CILK1: variants seen among roughly 807,000 people sequenced by gnomAD.
The protein encoded by CILK1 is serine/threonine-protein kinase ICK.
Under a neutral mutation model 79.2 loss-of-function variants are expected in CILK1, and 47 were observed. The observed-to-expected ratio is 0.59, with a 90% CI of 0.47 to 0.76. The LOEUF is 0.76. Among genes scored for constraint, CILK1 ranks in the 30% least tolerant of loss-of-function variants. CILK1 has a pLI of 0.00. For missense variants in CILK1, 660 were observed against 769.5 expected (o/e 0.86, Z 1.68); for synonymous variants, 266 against 275.9 (o/e 0.96, Z 0.36).
At chr6:53,024,632 G>A (rs1765454369) in intron 5 of CILK1, among the ~76,000 whole-genome samples, 1 of 152,122 alleles carries the variant, frequency 6.6e-6, no homozygotes, top group Admixed American at 6.5e-5. Flanking sequence ...ACCATGGTTT[G>A]TCTTCCTAAA....
intron 5 of CILK1, among the ~76,000 whole-genome samples, chr6:53,028,933 T>C (rs1765750747): frequency 6.6e-6 from 1 of 152,048 alleles, no homozygotes; most frequent in Non-Finnish European, 1.5e-5. Flanking sequence ...GGGGTGCTTA[T>C]GTGTGGTCTA....
chr6:53,054,262 G>T (rs772009616), intron 1 of CILK1, among the ~76,000 whole-genome samples: 12 of 151,974 alleles, frequency 7.9e-5, no homozygotes, highest in Non-Finnish European at 1.8e-4. Context: ...ATAGTGCCTT[G>T]TCCTCACCTC....
At chr6:53,049,981 A>G (rs1216581219) in intron 1 of CILK1, among the ~76,000 whole-genome samples, 1 of 152,134 alleles carries the variant, frequency 6.6e-6, no homozygotes, top group Non-Finnish European at 1.5e-5. Flanking sequence ...TCAGCCTCCC[A>G]AAGTGTTGGG....
chr6:53,031,969 G>A (rs1765995458), intron 4 of CILK1, among the ~76,000 whole-genome samples: 1 of 152,172 alleles, frequency 6.6e-6, no homozygotes, highest in African/African-American at 2.4e-5. Flanking sequence ...TAGTAACTGG[G>A]ATTACAGGCA....
Position 53,002,273 on chromosome 6 carries a change from G to T in CILK1, c.*2876C>A, listed in dbSNP as rs947351236. On this transcript the variant is annotated 3_prime_UTR_variant, in exon 14 of 14. Coordinates refer to ENST00000676107, the MANE Select transcript of CILK1 (RefSeq NM_014920.5). The stretch of plus-strand genomic sequence containing the variant: ...TGGGGCACATCAATACCCCTACAAC[G>T]CACCTTCGTCACTGAATTTCTGTCT... 6.6e-6 allele frequency: 1 copy of T among 152,016 alleles called. No homozygotes were observed. The highest frequency in any genetic ancestry group is 2.4e-5 in the African/African-American group (1 of 41,376). The allele number at this position is 152,016 out of a possible 1,614,324, so 9.4% of individuals were successfully genotyped here. A position where few individuals can be genotyped will look rare whatever the true frequency, so the allele number is the denominator to read the frequency against.
intron 13 of CILK1, 41 bp downstream of exon 13, chr6:53,006,274 T>C (rs375389576): frequency 6.3e-7 from 1 of 1,599,228 alleles, no homozygotes; most frequent in African/African-American, 1.3e-5. Context: ...TGAGTAACCA[T>C]TTGTTGAGTA....
chr6:53,005,264 C>G lies in CILK1; in HGVS notation c.1784G>C (p.Arg595Pro). Residue 595 changes from arginine to proline, a missense_variant, in exon 14 of 14, where the codon CGA becomes CCA. Physicochemically the swap from Arg to Pro is moderately radical, Grantham distance 103 (BLOSUM62 -2). Coordinates refer to ENST00000676107, the MANE Select transcript of CILK1 (RefSeq NM_014920.5). ...TCTAGGCTGGGTGTGGAAGAATGGT[C>G]GCCCAGGATGAGGTCTCATGGCCTT... is the stretch of plus-strand genomic sequence containing the variant. ...SLKAMRPHPG[R>P]PFFHTQPRST... is the part of the protein sequence containing the mutation. 6.2e-7 allele frequency: 1 copy of G among 1,614,134 alleles called. No homozygotes were observed.
At position 53,011,781 on chromosome 6, in the gene CILK1, G is replaced by A. The variant is rs755230589; in HGVS notation, c.1480C>T (p.Arg494Ter). The change falls in exon 11 of 14, where the codon CGA (arginine) becomes TGA (stop). Residue 494 changes from arginine (R) to a stop codon, truncating the protein, a stop_gained. Coordinates refer to ENST00000676107, the MANE Select transcript of CILK1 (RefSeq NM_014920.5). LOFTEE classifies it high-confidence loss of function. The part of the protein sequence containing the change: ...AAKQHYLKHS[R>*]YLPGISIRNG... ...TCATTTATATTACCAGGCAAGTATC[G>A]AGAGTGCTTCAAATAGTGCTGCTTG... 10 of 1,613,976 alleles carry A rather than the reference G, an allele frequency of 6.2e-6. No homozygotes were observed. In the Admixed American group the frequency reaches 6.7e-5, roughly 11 times the overall value.
chr6:53,052,597 G>A (rs993697303), intron 1 of CILK1, among the ~76,000 whole-genome samples: 1 of 151,984 alleles, frequency 6.6e-6, no homozygotes, highest in African/African-American at 2.4e-5. Flanking sequence ...CAGGCGTGGT[G>A]GTGTATGCCT....
chr6:53,016,131 C>T lies in CILK1; in HGVS notation c.783G>A (p.Leu261=), dbSNP rs201451158. The T allele has an allele frequency of 6.2e-7, 1 of 1,614,014 alleles. No individual in the cohort carries two copies. Among genetic ancestry groups the T allele is most frequent in the Non-Finnish European group, 8.5e-7 (1 of 1,179,988 alleles). The change falls in exon 8 of 14, where the codon CTG becomes CTA. Residue 261 remains leucine, a synonymous_variant. Transcript: ENST00000676107. ...TGGGATCCCACTGAAGCATGTCTCTCAGGAGCTGGACTGCTTCACTGCTAG... is the reference window on the plus strand; with the variant it reads ...TGGGATCCCACTGAAGCATGTCTCTTAGGAGCTGGACTGCTTCACTGCTAG... ...PNASSEAVQL[L]RDMLQWDPKK...
chr6:53,047,818 A>G (rs1767201146), intron 1 of CILK1, among the ~76,000 whole-genome samples: 1 of 151,932 alleles, frequency 6.6e-6, no homozygotes, highest in Non-Finnish European at 1.5e-5. Context: ...CTTAGATACA[A>G]CAGGAGACTA....
At chr6:53,046,316 C>A (rs1326369830) in intron 1 of CILK1, among the ~76,000 whole-genome samples, 1 of 152,166 alleles carries the variant, frequency 6.6e-6, no homozygotes, top group East Asian at 1.9e-4. Context: ...TGGCATTATA[C>A]TACTGATTTA....
chr6:53,035,518 C>G (rs1766271541), intron 3 of CILK1, among the ~76,000 whole-genome samples: 2 of 152,088 alleles, frequency 1.3e-5, no homozygotes, highest in South Asian at 4.1e-4. Context: ...AAAAATAGCA[C>G]CAGGTGCCAT....
intron 11 of CILK1, among the ~76,000 whole-genome samples, chr6:53,010,286 A>G (rs1764495376): frequency 6.6e-6 from 1 of 152,190 alleles, no homozygotes; most frequent in Non-Finnish European, 1.5e-5. Flanking sequence ...AATATTTAGA[A>G]GCCACATTCC....
At position 53,027,402 on chromosome 6, in the gene CILK1, AC is replaced by A. The variant is rs1765644250; in HGVS notation, c.358+3662del. On this transcript the variant is annotated intron_variant, in intron 5 of 13. Coordinates refer to ENST00000676107, the MANE Select transcript of CILK1 (RefSeq NM_014920.5). ...TATGCTTTGGCATTGCTCAATCAGT[AC>A]CAAGTAGAGCTGTGTTTTCATTCCC... is the stretch of plus-strand genomic sequence containing the variant. 2.6e-5 allele frequency among the ~76,000 whole-genome samples: 4 copies of A among 152,224 alleles called. No individual in the cohort carries two copies. The South Asian group carries it at 8.3e-4, about 31-fold the overall frequency.
Position 53,012,220 on chromosome 6 carries a change from G to A in CILK1, c.1160C>T (p.Thr387Ile). The A allele has an allele frequency of 2.5e-6, 4 of 1,614,110 alleles. No homozygotes were observed. The highest frequency in any genetic ancestry group is 3.4e-6 in the Non-Finnish European group (4 of 1,179,992). Reference protein sequence around the residue: ...LHNKHPQSKITAGLEHKNGEI... With the variant: ...LHNKHPQSKIIAGLEHKNGEI... ...ACCATTTTTGTGCTCCAGGCCAGCTGTGATTTTCTGTGTAAACAAACGGGG... is the reference window on the plus strand; with the variant it reads ...ACCATTTTTGTGCTCCAGGCCAGCTATGATTTTCTGTGTAAACAAACGGGG... The change falls in exon 10 of 14, where the codon ACA (threonine) becomes ATA (isoleucine). Residue 387 changes from threonine to isoleucine, a missense_variant. Transcript: ENST00000676107.
At chr6:53,054,210 C>A (rs1352749820) in intron 1 of CILK1, among the ~76,000 whole-genome samples, 2 of 152,124 alleles carry the variant, frequency 1.3e-5, no homozygotes, top group Non-Finnish European at 1.5e-5. Context: ...CCTGCCCCAA[C>A]CTACACATAT....
intron 7 of CILK1, among the ~76,000 whole-genome samples, chr6:53,017,191 T>C (rs529659357): frequency 5.3e-5 from 8 of 152,334 alleles, no homozygotes; most frequent in Non-Finnish European, 8.8e-5. Flanking sequence ...GCATTAATAA[T>C]TCATTCAAAT....
intron 3 of CILK1, among the ~76,000 whole-genome samples, chr6:53,035,519 CA>C (rs988975934): frequency 1.3e-5 from 2 of 152,092 alleles, no homozygotes; most frequent in Non-Finnish European, 2.9e-5. Context: ...AAAATAGCAC[CA>C]GGTGCCATTC....
Sources: gnomAD v4.1 joint callset for allele counts (sites outside exome capture counted in the v4.1 genomes callset) on GRCh38, gnomAD v4.1.1 for gene constraint, MANE v1.5 for transcripts, NCBI Gene and HGNC (gene_info 2026-07-23, HGNC 2026-07-21) for gene names.